The following PADI6 variants were observed in gnomAD, a reference collection of about 807,000 sequenced individuals.
PADI6 encodes the protein peptidyl arginine deiminase 6.
A neutral mutation model predicts 78.2 loss-of-function variants in PADI6; 66 were observed. The ratio of observed to expected loss-of-function variants is 0.84; its 90% CI spans 0.69 to 1.04. The LOEUF (loss-of-function observed/expected upper bound fraction) is 1.04, where lower values mean the gene tolerates loss of function less well. Ranked by LOEUF, PADI6 falls within the 50% of genes least tolerant of loss-of-function variation. PADI6 has a pLI of 0.00. For synonymous variants in PADI6, 397 were observed against 346.9 expected (o/e 1.14, Z -1.60); for missense variants, 854 against 866.1 (o/e 0.99, Z 0.18).
intron 2 of PADI6, among the ~76,000 whole-genome samples, chr1:17,374,061 C>T (rs939391270): frequency 1.3e-5 from 2 of 152,108 alleles, no homozygotes; most frequent in African/African-American, 4.8e-5. Flanking sequence ...GCCACACCCC[C>T]TCTACCAATT....
At chr1:17,400,159 T>C (rs1328543337) in intron 15 of PADI6, among the ~76,000 whole-genome samples, 1 of 150,198 alleles carries the variant, frequency 6.7e-6, no homozygotes, top group African/African-American at 2.5e-5. Flanking sequence ...AATGAGCCAC[T>C]GCACTCTAGC....
intron 2 of PADI6, among the ~76,000 whole-genome samples, chr1:17,373,959 T>TGTGG (rs1338317457): frequency 6.6e-6 from 1 of 152,092 alleles, no homozygotes; most frequent in African/African-American, 2.4e-5. Context: ...GAGGTTCTCC[T>TGTGG]GTGGTAGAAG....
In PADI6 at chr1:17,401,530, G is replaced by A; in HGVS notation, c.*92G>A. On this transcript the variant is annotated 3_prime_UTR_variant, in exon 16 of 16. Coordinates refer to ENST00000619609, the MANE Select transcript of PADI6 (RefSeq NM_207421.4). Reference sequence around the variant, plus strand: ...GATTCTTTGCCCAGTAGAGGAGGCTGGAGAGTCCAGGCAACAGAACCCTTT... The same window carrying A: ...GATTCTTTGCCCAGTAGAGGAGGCTAGAGAGTCCAGGCAACAGAACCCTTT... 9 of 1,180,206 alleles carry A rather than the reference G, an allele frequency of 7.6e-6. No individual in the cohort carries two copies. The highest frequency in any genetic ancestry group is 1.1e-5 in the Non-Finnish European group (9 of 831,458). The allele number at this position is 1,180,206 out of a possible 1,614,324, so 73.1% of individuals were successfully genotyped here.
At chr1:17,394,921 C>T (rs1217433795) in intron 11 of PADI6, 30 bp from the exon 12 acceptor site, 6 of 1,567,454 alleles carry the variant, frequency 3.8e-6, no homozygotes, top group African/African-American at 2.7e-5. Flanking sequence ...CACACTGGCT[C>T]AAGAGCTGTT....
intron 13 of PADI6, 85 bp from the exon 14 acceptor site, chr1:17,396,986 G>A (rs1421065392): frequency 6.7e-6 from 9 of 1,337,572 alleles, no homozygotes; most frequent in South Asian, 3.7e-5. Context: ...GCACCCAGGT[G>A]GCTGGGCCTG....
At position 17,388,569 on chromosome 1, in the gene PADI6, C is replaced by A; in HGVS notation, c.858+10C>A. On this transcript the variant is annotated intron_variant, in intron 7 of 15. Transcript: ENST00000619609. ...GGAGTCTCAAGACCCGGTATGTCCC[C>A]ATAATAGATGGGTCCTCAGACTAGG... is the stretch of plus-strand genomic sequence containing the variant. 1 of 1,598,868 alleles carries A rather than the reference C, an allele frequency of 6.3e-7. No homozygotes were observed. The highest frequency in any genetic ancestry group is 2.2e-5 in the East Asian group (1 of 44,738).
At chr1:17,375,287 A>AT (rs1297857829) in intron 2 of PADI6, 140 bp from the exon 3 acceptor site, 1 of 741,772 alleles carries the variant, frequency 1.3e-6, no homozygotes, top group Non-Finnish European at 2.3e-6. Context: ...CTGTGGCCCC[A>AT]TACCAGCTCA....
At chr1:17,381,218 T>TTC in intron 5 of PADI6, 54 bp downstream of exon 5, 2 of 1,436,468 alleles carry the variant, frequency 1.4e-6, no homozygotes, top group South Asian at 2.5e-5. Context: ...GCTGCCCTGC[T>TTC]TCTCAGCAAA....
At chr1:17,396,593 G>A (rs545532435) in intron 13 of PADI6, among the ~76,000 whole-genome samples, 3 of 152,162 alleles carry the variant, frequency 2.0e-5, no homozygotes, top group Admixed American at 1.3e-4. Context: ...ACCATGGAAG[G>A]TGACATCTGC....
chr1:17,393,160 T>A (rs1470961634), intron 9 of PADI6, among the ~76,000 whole-genome samples: 2 of 150,846 alleles, frequency 1.3e-5, no homozygotes, highest in Admixed American at 6.6e-5. Context: ...AAAAAAAAAA[T>A]CTGGGGTTGT....
At chr1:17,388,641 G>C in intron 7 of PADI6, 82 bp downstream of exon 7, 1 of 1,469,732 alleles carries the variant, frequency 6.8e-7, no homozygotes, top group Middle Eastern at 1.9e-4. Flanking sequence ...GGCAGAGCTT[G>C]AGGTTTGCTG....
chr1:17,385,169 CTG>C (rs1241496768), intron 6 of PADI6, among the ~76,000 whole-genome samples: 2 of 150,076 alleles, frequency 1.3e-5, no homozygotes, highest in African/African-American at 2.5e-5. Context: ...ACAGGTGAGT[CTG>C]TGGACAGGAA....
At position 17,382,099 on chromosome 1, in the gene PADI6, G is replaced by A. The variant is rs1242226410; in HGVS notation, c.679+7G>A. On this transcript the variant is annotated splice_region_variant and intron_variant, in intron 6 of 15. Coordinates refer to ENST00000619609, the MANE Select transcript of PADI6 (RefSeq NM_207421.4). The stretch of plus-strand genomic sequence containing the variant: ...AGAGTCTACTGGCCCCAAAGTGAGT[G>A]TTCTTGTGCCAGCTCCAGCTTTGCC... 1 of 1,613,156 alleles carries A rather than the reference G, an allele frequency of 6.2e-7. No individual in the cohort carries two copies.
intron 14 of PADI6, among the ~76,000 whole-genome samples, chr1:17,397,973 T>C (rs1184874621): frequency 6.6e-6 from 1 of 152,058 alleles, no homozygotes; most frequent in Non-Finnish European, 1.5e-5. Context: ...ATCACAGCAG[T>C]CCCGAGGATG....
chr1:17,400,066 G>T (rs1361639283), intron 15 of PADI6, among the ~76,000 whole-genome samples: 2 of 151,796 alleles, frequency 1.3e-5, no homozygotes, highest in Non-Finnish European at 2.9e-5. Flanking sequence ...AAAAATGCTG[G>T]GTGTGGTGCC....
At chr1:17,380,734 T>C (rs1470050969) in intron 4 of PADI6, among the ~76,000 whole-genome samples, 2 of 152,184 alleles carry the variant, frequency 1.3e-5, no homozygotes, top group Non-Finnish European at 2.9e-5. Context: ...TGGAGTCTCC[T>C]AGATGAGAGG....
chr1:17,373,500 ATTAT>A (rs368199841), intron 2 of PADI6, among the ~76,000 whole-genome samples: 1,516 of 109,564 alleles, frequency 0.014, 11 homozygotes, highest in African/African-American at 0.041. Context: ...TTTATTTATT[ATTAT>A]TTTTTTTTTT....
chr1:17,381,929 C>G (rs191095230), intron 5 of PADI6, 38 bp from the exon 6 acceptor site: 3 of 1,612,002 alleles, frequency 1.9e-6, no homozygotes, highest in East Asian at 4.5e-5. Flanking sequence ...GTGCTGGCCT[C>G]CAGACATTCC....
At chr1:17,374,625 G>A (rs768869351) in intron 2 of PADI6, among the ~76,000 whole-genome samples, 4 of 150,720 alleles carry the variant, frequency 2.7e-5, no homozygotes, top group African/African-American at 9.9e-5. Context: ...AAACTCCATC[G>A]CAAAAAAAGG....
Sources: gnomAD v4.1 joint callset for allele counts (sites outside exome capture counted in the v4.1 genomes callset) on GRCh38, gnomAD v4.1.1 for gene constraint, MANE v1.5 for transcripts, NCBI Gene and HGNC (gene_info 2026-07-23, HGNC 2026-07-21) for gene names.